The following CACNA1B variants were observed in gnomAD, a reference collection of about 807,000 sequenced individuals.
The protein encoded by CACNA1B is calcium voltage-gated channel subunit alpha1 B.
Under a neutral mutation model 247.2 loss-of-function variants are expected in CACNA1B, and 70 were observed. The observed-to-expected ratio is 0.28, with a 90% CI of 0.23 to 0.35. The LOEUF (loss-of-function observed/expected upper bound fraction) is 0.35. Ranked by LOEUF, CACNA1B falls within the 10% of genes least tolerant of loss-of-function variation. The probability of loss-of-function intolerance (pLI) is 1.00; values close to 1 mark genes in which losing one functional copy is unlikely to be tolerated. For synonymous variants in CACNA1B, 1,231 were observed against 1,294.4 expected (o/e 0.95, Z 1.05); for missense variants, 2,367 against 3,197.4 (o/e 0.74, Z 6.26).
intron 41 of CACNA1B, among the ~76,000 whole-genome samples, chr9:138,114,760 G>C (rs1241829758): frequency 6.6e-6 from 1 of 152,202 alleles, no homozygotes; most frequent in Admixed American, 6.5e-5. Context: ...GCTGGGCAGT[G>C]TCATGGTTGT....
intron 12 of CACNA1B, among the ~76,000 whole-genome samples, chr9:137,980,438 G>A (rs539192872): frequency 6.1e-4 from 93 of 152,294 alleles, no homozygotes; most frequent in African/African-American, 2.0e-3. Context: ...ACCTTTGATC[G>A]TTTTGGGATC....
Position 137,904,676 on chromosome 9 carries a change from C to G in CACNA1B, c.531-8504C>G, listed in dbSNP as rs536307083. ...AGCCACTGCACTGCCTCCGCCTCCC[C>G]CCTCCTCCTGCTGTCCCCTCAAGAA... On this transcript the variant is annotated intron_variant, in intron 3 of 46. Transcript: ENST00000371372. Among the ~76,000 whole-genome samples, 731 of 152,206 alleles carry G rather than the reference C, an allele frequency of 4.8e-3. 3 individuals carry two copies. Among genetic ancestry groups the G allele is most frequent in the Non-Finnish European group, 7.3e-3 (494 of 68,006 alleles).
chr9:138,070,841 C>G (rs528228307), intron 32 of CACNA1B, among the ~76,000 whole-genome samples: 2 of 152,244 alleles, frequency 1.3e-5, no homozygotes, highest in East Asian at 3.8e-4. Context: ...GTCTCTTTCC[C>G]GTCTTCAATT....
Position 137,917,142 on chromosome 9 carries a change from C to A in CACNA1B, c.776-99C>A. 9.2e-7 allele frequency: 1 copy of A among 1,088,738 alleles called. No individual in the cohort carries two copies. The highest frequency in any genetic ancestry group is 1.3e-6 in the Non-Finnish European group (1 of 755,918). The allele number at this position is 1,088,738 out of a possible 1,614,324, so 67.4% of individuals were successfully genotyped here. Reference sequence around the variant, plus strand: ...AGTTTCTGTTGGTGGCTGGTTCCTGCCCACCTGCTGTGAGCTCTCCAGAGC... The same window carrying A: ...AGTTTCTGTTGGTGGCTGGTTCCTGACCACCTGCTGTGAGCTCTCCAGAGC... On this transcript the variant is annotated intron_variant, in intron 5 of 46. Transcript: ENST00000371372. The surrounding 1 kb of genome is among the most constrained non-coding windows in gnomAD (Gnocchi z 5.5).
chr9:138,062,011 C>T (rs1001299453), intron 31 of CACNA1B, among the ~76,000 whole-genome samples: 3 of 152,182 alleles, frequency 2.0e-5, no homozygotes, highest in African/African-American at 7.2e-5. Context: ...ATCTGTTGGT[C>T]GACTTATCCC....
At chr9:137,921,242 G>C (rs1443977945) in intron 6 of CACNA1B, among the ~76,000 whole-genome samples, 3 of 152,238 alleles carry the variant, frequency 2.0e-5, no homozygotes, top group African/African-American at 7.2e-5. Context: ...AAGGGGGCAG[G>C]AAAAACACCA....
chr9:137,983,343 T>C (rs1958316314), intron 12 of CACNA1B, among the ~76,000 whole-genome samples: 1 of 152,098 alleles, frequency 6.6e-6, no homozygotes, highest in African/African-American at 2.4e-5. Context: ...AGAATTCAGT[T>C]TGGGGCCCCT....
chr9:138,047,836 A>G (rs774035801), intron 23 of CACNA1B, among the ~76,000 whole-genome samples: 1 of 152,140 alleles, frequency 6.6e-6, no homozygotes, highest in Non-Finnish European at 1.5e-5. Context: ...GACCTGGGAG[A>G]GAGAGGGTGT....
intron 36 of CACNA1B, among the ~76,000 whole-genome samples, chr9:138,079,027 T>C (rs1333290024): frequency 6.6e-6 from 1 of 152,238 alleles, no homozygotes; most frequent in East Asian, 1.9e-4. Flanking sequence ...TTGTCGTTAG[T>C]GTTCGGTGTG....
chr9:137,922,039 T>G (rs34221353), intron 6 of CACNA1B, among the ~76,000 whole-genome samples: 3 of 136,388 alleles, frequency 2.2e-5, no homozygotes, highest in Non-Finnish European at 1.6e-5. Flanking sequence ...TCGGAGAACA[T>G]GATCAGCACC....
rs35987844 is a variant in CACNA1B, at chr9:138,121,417, C to CT, written c.6490-34dup. The CT allele has an allele frequency of 0.19, 161,326 of 855,120 alleles. 10,120 individuals carry two copies. Among genetic ancestry groups the CT allele is most frequent in the Admixed American group, 0.28 (8,309 of 29,366 alleles). The allele number at this position is 855,120 out of a possible 1,614,324, so 53.0% of individuals were successfully genotyped here. A position where few individuals can be genotyped will look rare whatever the true frequency, so the allele number is the denominator to read the frequency against. ...TGATGTGCTCTGTCTGTTGGTTCGGCTTTTTTTTTTTTTTTTTTACCTCTG... is the reference window on the plus strand; with the variant it reads ...TGATGTGCTCTGTCTGTTGGTTCGGCTTTTTTTTTTTTTTTTTTTACCTCTG... On this transcript the variant is annotated intron_variant, in intron 46 of 46. Transcript: ENST00000371372. This position sits in a 1 kb window ranked among gnomAD's most constrained non-coding sequence, Gnocchi z 6.8.
At position 138,011,197 on chromosome 9, in the gene CACNA1B, C is replaced by G. The variant is rs963244089; in HGVS notation, c.2160+1120C>G. On this transcript the variant is annotated intron_variant, in intron 17 of 46. Coordinates refer to ENST00000371372, the MANE Select transcript of CACNA1B (RefSeq NM_000718.4). This position sits in a 1 kb window ranked among gnomAD's most constrained non-coding sequence, Gnocchi z 4.2. Reference sequence around the variant, plus strand: ...GGGGAGCCCAAGCCCCCACAGAGCTCTCCTTGGTGCCGGGGTTGCCTTGGA... The same window carrying G: ...GGGGAGCCCAAGCCCCCACAGAGCTGTCCTTGGTGCCGGGGTTGCCTTGGA... Among the ~76,000 whole-genome samples, 7 of 152,240 alleles carry G rather than the reference C, an allele frequency of 4.6e-5. No homozygotes were observed. Among genetic ancestry groups the G allele is most frequent in the Non-Finnish European group, 1.5e-5 (1 of 68,042 alleles).
At position 138,014,763 on chromosome 9, in the gene CACNA1B, C is replaced by A. The variant is rs866633309; in HGVS notation, c.2267+1528C>A. ...TGGAGGCGAGCACTTGTCCCTTGAC[C>A]CCTGCTGCCTGCCGGCCCTGCCTCC... is the stretch of plus-strand genomic sequence containing the variant. On this transcript the variant is annotated intron_variant, in intron 18 of 46. Coordinates refer to ENST00000371372, the MANE Select transcript of CACNA1B (RefSeq NM_000718.4). The surrounding 1 kb of genome is among the most constrained non-coding windows in gnomAD (Gnocchi z 6.2). Among the ~76,000 whole-genome samples the A allele has an allele frequency of 6.6e-6, 1 of 151,956 alleles. No homozygotes were observed. The highest frequency in any genetic ancestry group is 1.5e-5 in the Non-Finnish European group (1 of 67,982).
chr9:137,957,969 TC>T lies in CACNA1B; in HGVS notation c.1333+286del, dbSNP rs1957969829. On this transcript the variant is annotated intron_variant, in intron 10 of 46. Transcript: ENST00000371372. This position sits in a 1 kb window ranked among gnomAD's most constrained non-coding sequence, Gnocchi z 4.7. ...TGCTGCCTCTGAGGCTGTTGTGTCA[TC>T]CCCTACCTCTCAAATAGTACAAGGA... Among the ~76,000 whole-genome samples the T allele has an allele frequency of 6.6e-6, 1 of 152,166 alleles. No individual in the cohort carries two copies. The highest frequency in any genetic ancestry group is 1.5e-5 in the Non-Finnish European group (1 of 68,028).
chr9:137,927,694 A>G lies in CACNA1B; in HGVS notation c.966+10263A>G, dbSNP rs139572355. Among the ~76,000 whole-genome samples, 7 of 152,314 alleles carry G rather than the reference A, an allele frequency of 4.6e-5. No individual in the cohort carries two copies. The East Asian group carries it at 1.2e-3, about 25-fold the overall frequency. ...AGCTGACATATTTGCCATGCTCCCA[A>G]TCTTAGGAAAAAGCATTTGATCTAT... is the stretch of plus-strand genomic sequence containing the variant. On this transcript the variant is annotated intron_variant, in intron 6 of 46. Coordinates refer to ENST00000371372, the MANE Select transcript of CACNA1B (RefSeq NM_000718.4).
intron 44 of CACNA1B, among the ~76,000 whole-genome samples, chr9:138,119,378 A>G (rs957181930): frequency 3.3e-5 from 5 of 151,972 alleles, no homozygotes; most frequent in East Asian, 1.9e-4. Flanking sequence ...ATCTGGGAAC[A>G]CTGTGCCCCG....
At chr9:137,998,747 C>A (rs1243056222) in intron 15 of CACNA1B, among the ~76,000 whole-genome samples, 1 of 152,178 alleles carries the variant, frequency 6.6e-6, no homozygotes, top group African/African-American at 2.4e-5. Context: ...ACCTAACAAC[C>A]TGGCCTCAGA....
chr9:137,971,516 G>A lies in CACNA1B; in HGVS notation c.1467G>A (p.Leu489=). The A allele has an allele frequency of 6.2e-7, 1 of 1,613,800 alleles. No homozygotes were observed. The highest frequency in any genetic ancestry group is 8.5e-7 in the Non-Finnish European group (1 of 1,179,800). Residue 489 remains leucine, a synonymous_variant, in exon 11 of 47, where the codon CTG becomes CTA. Coordinates refer to ENST00000371372, the MANE Select transcript of CACNA1B (RefSeq NM_000718.4). This position sits in a 1 kb window ranked among gnomAD's most constrained non-coding sequence, Gnocchi z 4.4. ...CTCAGAGCTTCTACTGGGTGGTGCT[G>A]TGCGTGGTGGCCCTGAACACACTGT... ...VKAQSFYWVV[L]CVVALNTLCV...
chr9:137,918,692 C>T lies in CACNA1B; in HGVS notation c.966+1261C>T, dbSNP rs11792029. Among the ~76,000 whole-genome samples the T allele has an allele frequency of 7.4e-3, 1,126 of 152,290 alleles. 5 individuals are homozygous for T. Among genetic ancestry groups the T allele is most frequent in the Middle Eastern group, 0.01 (3 of 294 alleles). ...CCTGGGGAGAGACTGGGGCCCTTTG[C>T]CCTGTGCCTCATGCGTTCATGGAGA... On this transcript the variant is annotated intron_variant, in intron 6 of 46. Coordinates refer to ENST00000371372, the MANE Select transcript of CACNA1B (RefSeq NM_000718.4).
Sources: gnomAD v4.1 joint callset for allele counts (sites outside exome capture counted in the v4.1 genomes callset) on GRCh38, gnomAD v4.1.1 for gene constraint, Gnocchi (gnomAD v3.1) non-coding constraint, MANE v1.5 for transcripts, NCBI Gene and HGNC (gene_info 2026-07-23, HGNC 2026-07-21) for gene names.